The following PER3 variants were observed in gnomAD, a reference collection of about 807,000 sequenced individuals.
The protein encoded by PER3 is period circadian protein homolog 3.
PER3 carries 107 observed loss-of-function variants against 127.2 expected under a neutral mutation model. That is an observed-to-expected ratio of 0.84 (90% CI 0.72 to 0.99). The LOEUF is 0.99. PER3 is among the 50% of genes least tolerant of loss of function. The pLI, the probability that PER3 is intolerant of heterozygous loss-of-function variation, is 0.00. For missense variants in PER3, 1,560 were observed against 1,525.8 expected, an observed-to-expected ratio of 1.02 and a Z score of -0.37; for synonymous variants, 618 against 585.8, an observed-to-expected ratio of 1.05 and a Z score of -0.79.
Position 7,784,974 on chromosome 1 carries a change from C to T in PER3, c.97C>T (p.Leu33=), listed in dbSNP as rs201309495. 2 of 1,565,028 alleles carry T rather than the reference C, an allele frequency of 1.3e-6. No homozygotes were observed. The highest frequency in any genetic ancestry group is 2.5e-5 in the East Asian group (1 of 40,702). ...SGERWSPEFH[L]QRKLADSSHS... ...GGAGCGGTGGAGCCCCGAGTTCCAT[C>T]TGCAGAGGAAATTGGCGGACAGCAG... The change falls in exon 2 of 22, where the codon CTG becomes TTG. Residue 33 remains leucine, a synonymous_variant. Transcript: ENST00000377532.
rs115637663 is a variant in PER3, at chr1:7,810,276, C to A, written c.1372-162C>A. On this transcript the variant is annotated intron_variant, in intron 12 of 21. Transcript: ENST00000377532. ...CAGATTTATTTAGAATTTGTTGGTA[C>A]CAGTATACTGTGGCATGGTGCAGGA... 4.7e-3 allele frequency: 2,961 copies of A among 628,690 alleles called. 60 individuals are homozygous for A. Among genetic ancestry groups the A allele is most frequent in the African/African-American group, 0.045 (2,459 of 54,214 alleles). 38.9% of individuals were successfully genotyped at this position (628,690 alleles called of 1,614,324 possible). A position where few individuals can be genotyped will look rare whatever the true frequency, so the allele number is the denominator to read the frequency against.
chr1:7,798,047 C>T (rs1353604927), intron 6 of PER3, among the ~76,000 whole-genome samples: 2 of 152,202 alleles, frequency 1.3e-5, no homozygotes, highest in South Asian at 4.1e-4. Context: ...CACCTGACCT[C>T]ATGCAAGGGC....
chr1:7,836,800 C>T, intron 20 of PER3, 199 bp from the exon 21 acceptor site: 1 of 467,160 alleles, frequency 2.1e-6, no homozygotes, highest in South Asian at 4.1e-5. Context: ...ATTAAAACAT[C>T]ATATAGATAT....
intron 4 of PER3, 58 bp downstream of exon 4, chr1:7,786,894 C>T (rs781463227): frequency 2.9e-5 from 27 of 928,550 alleles, no homozygotes; most frequent in Admixed American, 2.3e-4. Flanking sequence ...AGGGCCTGCT[C>T]TAGATGTAGG....
chr1:7,809,265 C>T (rs564034765), intron 11 of PER3, among the ~76,000 whole-genome samples: 144 of 152,274 alleles, frequency 9.5e-4, no homozygotes, highest in African/African-American at 3.3e-3. Flanking sequence ...AAGGCACCAG[C>T]GTGCTCAGCC....
At chr1:7,834,594 T>C (rs746263800) in intron 19 of PER3, among the ~76,000 whole-genome samples, 2 of 152,078 alleles carry the variant, frequency 1.3e-5, no homozygotes, top group Non-Finnish European at 2.9e-5. Flanking sequence ...TAGCTAGGAC[T>C]ACAGGCATGT....
rs1313422619 is a variant in PER3 at position 7,803,144 on chromosome 1, C to T, written c.970C>T (p.His324Tyr). The change falls in exon 9 of 22, where the codon CAC becomes TAC. Residue 324 changes from histidine (H) to tyrosine (Y), a missense_variant. By Grantham distance (83) the His-to-Tyr change is moderately conservative. Transcript: ENST00000377532. The stretch of plus-strand genomic sequence containing the variant: ...AGATCGTTCTCTGATGGTTGCCATA[C>T]ACCAAAAAGGTCAGGACCTACTCCT... ...PEDRSLMVAI[H>Y]QKVLKYAGHP... The T allele has an allele frequency of 1.9e-6, 3 of 1,593,504 alleles. No homozygotes were observed. The highest frequency in any genetic ancestry group is 2.6e-6 in the Non-Finnish European group (3 of 1,161,186).
chr1:7,830,238 C>T, intron 19 of PER3, 77 bp downstream of exon 19: 1 of 1,298,956 alleles, frequency 7.7e-7, no homozygotes, highest in East Asian at 2.3e-5. Flanking sequence ...ACTGTGTGCC[C>T]CAGGCACTGA....
At chr1:7,791,553 A>G (rs770093872) in intron 5 of PER3, among the ~76,000 whole-genome samples, 1 of 152,044 alleles carries the variant, frequency 6.6e-6, no homozygotes, top group Non-Finnish European at 1.5e-5. Flanking sequence ...CATTTTCCCC[A>G]TTGTCTTGGT....
chr1:7,818,176 T>C (rs1258443091), intron 13 of PER3, among the ~76,000 whole-genome samples: 1 of 152,194 alleles, frequency 6.6e-6, no homozygotes, highest in Non-Finnish European at 1.5e-5. Context: ...TTCCAGTTAG[T>C]AGAATGGTAC....
chr1:7,825,299 A>G (rs965871414), intron 16 of PER3, among the ~76,000 whole-genome samples: 2 of 152,208 alleles, frequency 1.3e-5, no homozygotes, highest in South Asian at 4.1e-4. Flanking sequence ...AATAGATACA[A>G]CTATTCTATA....
At chr1:7,793,523 A>G (rs1558390088) in intron 5 of PER3, among the ~76,000 whole-genome samples, 1 of 152,216 alleles carries the variant, frequency 6.6e-6, no homozygotes, top group Admixed American at 6.5e-5. Flanking sequence ...CTTAAAGAAA[A>G]AAAGAAAATT....
intron 2 of PER3, 47 bp from the exon 3 acceptor site, chr1:7,785,394 G>A: frequency 6.7e-7 from 1 of 1,499,588 alleles, no homozygotes. Flanking sequence ...GCCGCAAGAT[G>A]CTGTTGTCTT....
At chr1:7,819,263 A>C in intron 13 of PER3, 22 bp from the exon 14 acceptor site, 1 of 1,603,392 alleles carries the variant, frequency 6.2e-7, no homozygotes, top group South Asian at 1.1e-5. Flanking sequence ...TTTTAATTGC[A>C]CATCCCTTTA....
intron 8 of PER3, among the ~76,000 whole-genome samples, chr1:7,801,660 G>A (rs999740159): frequency 1.3e-5 from 2 of 152,138 alleles, no homozygotes; most frequent in African/African-American, 4.8e-5. Flanking sequence ...GTAAAGAATT[G>A]TTCTTTATTT....
intron 19 of PER3, among the ~76,000 whole-genome samples, chr1:7,832,811 A>G (rs12025388): frequency 0.2 from 29,362 of 149,848 alleles, 3,070 homozygotes; most frequent in South Asian, 0.27. Flanking sequence ...AATGCTATTG[A>G]ATGCTCTAAC....
intron 21 of PER3, among the ~76,000 whole-genome samples, chr1:7,840,856 C>A (rs1254934232): frequency 2.6e-5 from 4 of 152,166 alleles, no homozygotes; most frequent in Non-Finnish European, 4.4e-5. Context: ...CATCCACCTG[C>A]CTCAGCCTTC....
rs767487066 is a variant in PER3, at chr1:7,801,099, T to TGG, written c.794-14_794-13insGG. 1 of 1,560,916 alleles carries TGG rather than the reference T, an allele frequency of 6.4e-7. No homozygotes were observed. The highest frequency in any genetic ancestry group is 1.1e-5 in the South Asian group (1 of 88,242). On this transcript the variant is annotated splice_polypyrimidine_tract_variant and intron_variant, in intron 7 of 21. Transcript: ENST00000377532. ...TATTTGCCTTTAAATGGGTCTTTGT[T>TGG]TTTTTTTCCTTAGCTCCTCGGATCC...
chr1:7,802,854 C>A (rs1335051765), intron 8 of PER3, among the ~76,000 whole-genome samples, 193 bp from the exon 9 acceptor site: 1 of 152,210 alleles, frequency 6.6e-6, no homozygotes, highest in South Asian at 2.1e-4. Flanking sequence ...TGTCAGATGA[C>A]CAACATGTGT....
Sources: allele counts gnomAD v4.1 joint callset (sites outside exome capture counted in the v4.1 genomes callset), GRCh38; gene constraint gnomAD v4.1.1; transcripts MANE v1.5; gene names NCBI Gene and HGNC (gene_info 2026-07-23, HGNC 2026-07-21).